Variants in MAPK8IP2 observed in about 807,000 individuals in gnomAD.
The protein encoded by MAPK8IP2 is C-Jun-amino-terminal kinase-interacting protein 2.
In MAPK8IP2, 15 loss-of-function variants were observed where a neutral mutation model predicts 75.6. The ratio of observed to expected loss-of-function variants is 0.20; its 90% confidence interval spans 0.13 to 0.31. MAPK8IP2 has a LOEUF of 0.31. Ranked by LOEUF, MAPK8IP2 falls within the 10% of genes least tolerant of loss-of-function variation. MAPK8IP2 has a pLI of 1.00. For missense variants in MAPK8IP2, 1,089 were observed against 1,211.2 expected, an observed-to-expected ratio of 0.90 and a Z score of 1.50; for synonymous variants, 632 against 554.5, an observed-to-expected ratio of 1.14 and a Z score of -1.96.
At chr22:50,608,351 CG>C (rs2071085438) in intron 10 of MAPK8IP2, among the ~76,000 whole-genome samples, 1 of 121,022 alleles carries the variant, frequency 8.3e-6, no homozygotes, top group Non-Finnish European at 1.7e-5. Flanking sequence ...GACCAGACAG[CG>C]GGGCCAGCTC....
At chr22:50,601,510 G>C (rs1161131615) in intron 1 of MAPK8IP2, 5 of 403,638 alleles carry the variant, frequency 1.2e-5, no homozygotes, top group African/African-American at 6.0e-5. Context: ...CTGGAGCTGC[G>C]AGTGGAGGGA....
rs1434690009 is a variant in MAPK8IP2, at chr22:50,604,079, C to T, written c.780C>T (p.Gly260=). The change falls in exon 5 of 12, where the codon GGC becomes GGT. Residue 260 remains glycine (G), a synonymous_variant. Transcript: ENST00000329492. Reference sequence around the variant, plus strand: ...CCGGCTCCGACTCGGAGGACGCGGGCGGCGCGCGCCTGGGGCGCATGATCT... The same window carrying T: ...CCGGCTCCGACTCGGAGGACGCGGGTGGCGCGCGCCTGGGGCGCATGATCT... ...SSPGSDSEDA[G]GARLGRMISS... is the part of the protein sequence containing the mutation. The T allele has an allele frequency of 1.3e-6, 2 of 1,543,070 alleles. No individual in the cohort carries two copies. The highest frequency in any genetic ancestry group is 1.7e-6 in the Non-Finnish European group (2 of 1,152,956).
intron 2 of MAPK8IP2, 90 bp from the exon 3 acceptor site, chr22:50,603,133 A>C: frequency 6.2e-7 from 1 of 1,603,798 alleles, no homozygotes; most frequent in Non-Finnish European, 8.5e-7. Flanking sequence ...CCTTTGACTG[A>C]TGCTCCCCGA....
At chr22:50,603,031 C>A in intron 2 of MAPK8IP2, 192 bp from the exon 3 acceptor site, 1 of 1,253,874 alleles carries the variant, frequency 8.0e-7, no homozygotes, top group Non-Finnish European at 1.1e-6. Flanking sequence ...TTAGGCCCTT[C>A]CCAAGAACTG....
rs139358093 is a variant in MAPK8IP2 at position 50,607,011 on chromosome 22, C to T, written c.2303+20C>T. 3.4e-4 allele frequency: 543 copies of T among 1,606,650 alleles called. 3 individuals are homozygous for T. In the African/African-American group the frequency reaches 6.3e-3, roughly 19 times the overall value. On this transcript the variant is annotated intron_variant, in intron 10 of 11. Transcript: ENST00000329492. This position sits in a 1 kb window ranked among gnomAD's most constrained non-coding sequence, Gnocchi z 5.6. The stretch of plus-strand genomic sequence containing the variant: ...CAGCTGGTGAGAGTCTGACCGTCCC[C>T]GAGTCCCCCAACCGCCCCCACAAAC...
In MAPK8IP2 at chr22:50,604,584, C is replaced by T; in HGVS notation, c.1285C>T (p.Pro429Ser). Reference protein sequence around the residue: ...PPAPAAPRPGPAQPGPCLFLS... With the variant: ...PPAPAAPRPGSAQPGPCLFLS... Reference sequence around the variant, plus strand: ...CGCGCCCGCCGCGCCTCGACCCGGCCCCGCGCAGCCCGGGCCCTGCCTATT... The same window carrying T: ...CGCGCCCGCCGCGCCTCGACCCGGCTCCGCGCAGCCCGGGCCCTGCCTATT... The change falls in exon 5 of 12, where the codon CCC becomes TCC. Residue 429 changes from proline (P) to serine (S), a missense_variant. Physicochemically the swap from Pro to Ser is moderately conservative, Grantham distance 74. Around this residue, in one of 2 missense-constraint regions of MAPK8IP2, gnomAD observed 960 missense variants for 1,009.6 expected, o/e 0.95. Transcript: ENST00000329492. The T allele has an allele frequency of 7.3e-7, 1 of 1,365,836 alleles. No individual in the cohort carries two copies. Among genetic ancestry groups the T allele is most frequent in the Non-Finnish European group, 9.4e-7 (1 of 1,068,014 alleles). The allele number at this position is 1,365,836 out of a possible 1,614,324, so 84.6% of individuals were successfully genotyped here. A position where few individuals can be genotyped will look rare whatever the true frequency, so the allele number is the denominator to read the frequency against.
Position 50,607,683 on chromosome 22 carries a change from A to G in MAPK8IP2, c.2303+692A>G, listed in dbSNP as rs2071074315. On this transcript the variant is annotated intron_variant, in intron 10 of 11. Coordinates refer to ENST00000329492, the MANE Select transcript of MAPK8IP2 (RefSeq NM_012324.6). The surrounding 1 kb of genome is among the most constrained non-coding windows in gnomAD (Gnocchi z 5.6). ...GACCAGGGTGACGTCTCCCTGGGGGATGGTTGTACTGCAGCCCACACACCG... is the reference window on the plus strand; with the variant it reads ...GACCAGGGTGACGTCTCCCTGGGGGGTGGTTGTACTGCAGCCCACACACCG... Among the ~76,000 whole-genome samples, 1 of 151,334 alleles carries G rather than the reference A, an allele frequency of 6.6e-6. No individual in the cohort carries two copies. Among genetic ancestry groups the G allele is most frequent in the Admixed American group, 6.6e-5 (1 of 15,224 alleles).
chr22:50,609,275 C>T (rs970850457), intron 10 of MAPK8IP2, among the ~76,000 whole-genome samples: 1 of 152,136 alleles, frequency 6.6e-6, no homozygotes, highest in South Asian at 2.1e-4. Flanking sequence ...CAGGGCTGCC[C>T]ATCCTGCCTG....
Position 50,610,839 on chromosome 22 carries a change from C to A in MAPK8IP2, c.*60C>A. ...CAGGCGCAGCTGGGGCTGAGGATGT[C>A]TCAAGAGGCCACCATGGCTTTGGCA... On this transcript the variant is annotated 3_prime_UTR_variant, in exon 12 of 12. Coordinates refer to ENST00000329492, the MANE Select transcript of MAPK8IP2 (RefSeq NM_012324.6). The surrounding 1 kb of genome is among the most constrained non-coding windows in gnomAD (Gnocchi z 4.3). The A allele has an allele frequency of 7.0e-7, 1 of 1,429,206 alleles. No individual in the cohort carries two copies. The allele number at this position is 1,429,206 out of a possible 1,614,324, so 88.5% of individuals were successfully genotyped here. A position where few individuals can be genotyped will look rare whatever the true frequency, so the allele number is the denominator to read the frequency against.
At position 50,604,759 on chromosome 22, in the gene MAPK8IP2, G is replaced by A; in HGVS notation, c.1460G>A (p.Gly487Glu). The part of the protein sequence containing the change: ...EEEEDAEDSA[G>E]SPGGRGTGPS... Reference sequence around the variant, plus strand: ...GAGGAGGATGCCGAGGACAGTGCGGGGTCCCCCGGGGGCAGGGGCACGGGC... The same window carrying A: ...GAGGAGGATGCCGAGGACAGTGCGGAGTCCCCCGGGGGCAGGGGCACGGGC... The change falls in exon 5 of 12, where the codon GGG (glycine) becomes GAG (glutamate). Residue 487 changes from glycine (G) to glutamate (E), a missense_variant. Coordinates refer to ENST00000329492, the MANE Select transcript of MAPK8IP2 (RefSeq NM_012324.6). 1.3e-6 allele frequency: 2 copies of A among 1,543,522 alleles called. No homozygotes were observed. The highest frequency in any genetic ancestry group is 1.7e-6 in the Non-Finnish European group (2 of 1,145,160).
At position 50,610,577 on chromosome 22, in the gene MAPK8IP2, C is replaced by T. The variant is rs909296404; in HGVS notation, c.2403-130C>T. ...AGGGTCACACTTGGGGGTGACATGG[C>T]CATGCCTGGGTGGGGGGTTATGGAT... On this transcript the variant is annotated intron_variant, in intron 11 of 11. Transcript: ENST00000329492. This position sits in a 1 kb window ranked among gnomAD's most constrained non-coding sequence, Gnocchi z 4.3. 3.7e-5 allele frequency: 29 copies of T among 774,736 alleles called. No individual in the cohort carries two copies. The African/African-American group carries it at 4.1e-4, about 11-fold the overall frequency. 48.0% of individuals were successfully genotyped at this position (774,736 alleles called of 1,614,324 possible). A position where few individuals can be genotyped will look rare whatever the true frequency, so the allele number is the denominator to read the frequency against.
In MAPK8IP2 at chr22:50,600,877, G is replaced by C. The variant is rs749399515; in HGVS notation, c.59G>C (p.Gly20Ala). The C allele has an allele frequency of 3.1e-6, 4 of 1,278,096 alleles. No homozygotes were observed. In the African/African-American group the frequency reaches 4.8e-5, roughly 15 times the overall value. 79.2% of individuals were successfully genotyped at this position (1,278,096 alleles called of 1,614,324 possible). A position where few individuals can be genotyped will look rare whatever the true frequency, so the allele number is the denominator to read the frequency against. ...LSTFHSLSPPGCRPPQDISLE... is the reference protein window; with the variant it reads ...LSTFHSLSPPACRPPQDISLE... ...ACCTTCCACTCGCTGTCGCCGCCGG[G>C]CTGCAGGTACCCCCCTCGGCGCCCG... Residue 20 changes from glycine to alanine, a missense_variant, in exon 1 of 12, where the codon GGC (glycine) becomes GCC (alanine). By Grantham distance (60) the Gly-to-Ala change is moderately conservative. This residue lies in a region of MAPK8IP2 where 960 missense variants were observed against 1,009.6 expected (regional missense o/e 0.95). Transcript: ENST00000329492.
intron 1 of MAPK8IP2, 103 bp downstream of exon 1, chr22:50,600,986 G>A: frequency 4.1e-6 from 1 of 245,718 alleles, no homozygotes; most frequent in Non-Finnish European, 5.9e-6. Flanking sequence ...CAGCCCCGCC[G>A]CCGGCGCGGA....
At position 50,607,050 on chromosome 22, in the gene MAPK8IP2, C is replaced by T; in HGVS notation, c.2303+59C>T. On this transcript the variant is annotated intron_variant, in intron 10 of 11. Transcript: ENST00000329492. The surrounding 1 kb of genome is among the most constrained non-coding windows in gnomAD (Gnocchi z 5.6). ...GCCCCCACAAACCCTGAGAGTCCAA[C>T]CGCCCCCTGAGTCCCCACAGACCCT... is the stretch of plus-strand genomic sequence containing the variant. The T allele has an allele frequency of 2.1e-6, 3 of 1,437,886 alleles. No individual in the cohort carries two copies. The highest frequency in any genetic ancestry group is 2.9e-6 in the Non-Finnish European group (3 of 1,020,850). 89.1% of individuals were successfully genotyped at this position (1,437,886 alleles called of 1,614,324 possible).
intron 1 of MAPK8IP2, 31 bp from the exon 2 acceptor site, chr22:50,601,758 G>C (rs2070942287): frequency 1.3e-6 from 2 of 1,556,820 alleles, no homozygotes; most frequent in African/African-American, 2.7e-5. Context: ...GTCCAGGGTT[G>C]GTGGCTCTCT....
At position 50,600,882 on chromosome 22, in the gene MAPK8IP2, A is replaced by G; in HGVS notation, c.64A>G (p.Arg22Gly). Residue 22 changes from arginine to glycine, a missense_variant and splice_region_variant, in exon 1 of 12, where the codon AGG (arginine) becomes GGG (glycine). By Grantham distance (125) the Arg-to-Gly change is moderately radical. This residue lies in a region of MAPK8IP2 where 960 missense variants were observed against 1,009.6 expected (regional missense o/e 0.95). Coordinates refer to ENST00000329492, the MANE Select transcript of MAPK8IP2 (RefSeq NM_012324.6). ...CCACTCGCTGTCGCCGCCGGGCTGC[A>G]GGTACCCCCCTCGGCGCCCGGGCCG... is the stretch of plus-strand genomic sequence containing the variant. ...TFHSLSPPGC[R>G]PPQDISLEEF... The G allele has an allele frequency of 1.6e-6, 2 of 1,267,076 alleles. No individual in the cohort carries two copies. The allele number at this position is 1,267,076 out of a possible 1,614,324, so 78.5% of individuals were successfully genotyped here. A position where few individuals can be genotyped will look rare whatever the true frequency, so the allele number is the denominator to read the frequency against.
chr22:50,601,142 C>G (rs1160257717), intron 1 of MAPK8IP2: 1 of 158,372 alleles, frequency 6.3e-6, no homozygotes, highest in Non-Finnish European at 1.4e-5. Context: ...CCGGCCTGGA[C>G]GGCTGACCTG....
Position 50,600,889 on chromosome 22 carries a change from C to T in MAPK8IP2, c.65+6C>T. On this transcript the variant is annotated splice_donor_region_variant and intron_variant, in intron 1 of 11. Transcript: ENST00000329492. ...CTGTCGCCGCCGGGCTGCAGGTACC[C>T]CCCTCGGCGCCCGGGCCGGGCGGAC... 8.0e-7 allele frequency: 1 copy of T among 1,249,314 alleles called. No homozygotes were observed. The highest frequency in any genetic ancestry group is 1.0e-6 in the Non-Finnish European group (1 of 967,514). The allele number at this position is 1,249,314 out of a possible 1,614,324, so 77.4% of individuals were successfully genotyped here.
chr22:50,607,053 C>A lies in MAPK8IP2; in HGVS notation c.2303+62C>A. The A allele has an allele frequency of 1.6e-6, 2 of 1,286,818 alleles. No individual in the cohort carries two copies. Among genetic ancestry groups the A allele is most frequent in the Non-Finnish European group, 1.1e-6 (1 of 884,262 alleles). 79.7% of individuals were successfully genotyped at this position (1,286,818 alleles called of 1,614,324 possible). Reference sequence around the variant, plus strand: ...CCCACAAACCCTGAGAGTCCAACCGCCCCCTGAGTCCCCACAGACCCTGAG... The same window carrying A: ...CCCACAAACCCTGAGAGTCCAACCGACCCCTGAGTCCCCACAGACCCTGAG... On this transcript the variant is annotated intron_variant, in intron 10 of 11. Coordinates refer to ENST00000329492, the MANE Select transcript of MAPK8IP2 (RefSeq NM_012324.6). This position sits in a 1 kb window ranked among gnomAD's most constrained non-coding sequence, Gnocchi z 5.6.
Sources: allele counts gnomAD v4.1 joint callset (sites outside exome capture counted in the v4.1 genomes callset), GRCh38; gene constraint gnomAD v4.1.1; regional missense constraint gnomAD v4.1.1; non-coding constraint Gnocchi (gnomAD v3.1); transcripts MANE v1.5; gene names NCBI Gene and HGNC (gene_info 2026-07-23, HGNC 2026-07-21).